Variants in CSGALNACT2 observed in about 807,000 individuals in gnomAD.
CSGALNACT2 encodes chondroitin sulfate N-acetylgalactosaminyltransferase 2.
Under a neutral mutation model 55.3 loss-of-function variants are expected in CSGALNACT2, and 35 were observed. The observed-to-expected ratio is 0.63, with a 90% confidence interval of 0.48 to 0.84. CSGALNACT2 has a LOEUF of 0.84. CSGALNACT2 is among the 40% of genes least tolerant of loss of function. The pLI is 0.00. For missense variants in CSGALNACT2, 544 were observed against 657.5 expected, an observed-to-expected ratio of 0.83 and a Z score of 1.89; for synonymous variants, 196 against 224.9, an observed-to-expected ratio of 0.87 and a Z score of 1.15.
chr10:43,169,258 A>C (rs1839335027), intron 6 of CSGALNACT2, among the ~76,000 whole-genome samples: 1 of 152,372 alleles, frequency 6.6e-6, no homozygotes, highest in East Asian at 1.9e-4. Context: ...TCTGAACAAT[A>C]CTTGAAACAA....
At chr10:43,174,262 C>CT (rs1316189520) in intron 6 of CSGALNACT2, among the ~76,000 whole-genome samples, 2 of 152,082 alleles carry the variant, frequency 1.3e-5, no homozygotes, top group African/African-American at 4.8e-5. Flanking sequence ...CCAATCTGAG[C>CT]TGAGCCCTCA....
intron 4 of CSGALNACT2, chr10:43,162,594 A>C: frequency 2.0e-6 from 2 of 985,398 alleles, no homozygotes; most frequent in Non-Finnish European, 2.4e-6. Flanking sequence ...CACTCCATGC[A>C]CTATTTGAGC....
At chr10:43,173,518 G>A (rs956714041) in intron 6 of CSGALNACT2, among the ~76,000 whole-genome samples, 2 of 152,164 alleles carry the variant, frequency 1.3e-5, no homozygotes, top group African/African-American at 4.8e-5. Flanking sequence ...AAAATGTGTT[G>A]CTTTAAAAAT....
intron 7 of CSGALNACT2, among the ~76,000 whole-genome samples, chr10:43,180,542 A>C (rs1305840775): frequency 6.6e-6 from 1 of 152,146 alleles, no homozygotes; most frequent in African/African-American, 2.4e-5. Context: ...AGTATTATAC[A>C]TAGTTGTTTT....
At chr10:43,149,422 A>C (rs906744982) in intron 1 of CSGALNACT2, among the ~76,000 whole-genome samples, 3 of 152,040 alleles carry the variant, frequency 2.0e-5, no homozygotes, top group African/African-American at 7.2e-5. Context: ...ATGGTGTTGG[A>C]TTTTGTCAAA....
At chr10:43,151,284 T>G (rs1447854495) in intron 1 of CSGALNACT2, among the ~76,000 whole-genome samples, 1 of 152,196 alleles carries the variant, frequency 6.6e-6, no homozygotes, top group Non-Finnish European at 1.5e-5. Flanking sequence ...GTACTGGATA[T>G]TTCTGTATTC....
intron 1 of CSGALNACT2, among the ~76,000 whole-genome samples, chr10:43,143,493 ATGTGTGTGTGTGTGTG>A (rs3983257): frequency 3.2e-4 from 45 of 141,874 alleles, no homozygotes; most frequent in African/African-American, 1.0e-3. Context: ...CTCTCCAAAA[ATGTGTGTGTGTGTGTG>A]TGTGTGTGTG....
At chr10:43,150,081 G>T (rs536030912) in intron 1 of CSGALNACT2, among the ~76,000 whole-genome samples, 1 of 152,220 alleles carries the variant, frequency 6.6e-6, no homozygotes, top group African/African-American at 2.4e-5. Context: ...AAAAATAATA[G>T]TAATAATAAA....
At chr10:43,154,243 A>T (rs1031411074) in intron 1 of CSGALNACT2, among the ~76,000 whole-genome samples, 3 of 152,214 alleles carry the variant, frequency 2.0e-5, no homozygotes, top group African/African-American at 7.2e-5. Flanking sequence ...TAGTTGGGAA[A>T]TGGTGCGGTA....
rs553938272 is a variant in CSGALNACT2, at chr10:43,171,723, G to A, written c.1255-4228G>A. 1.6e-3 allele frequency among the ~76,000 whole-genome samples: 246 copies of A among 152,262 alleles called. 3 individuals carry two copies. The highest frequency in any genetic ancestry group is 3.2e-3 in the Non-Finnish European group (219 of 68,022). ...ATGATTTGAATGCTGATTCATTCTA[G>A]GTGTTGCATAGCAACTTAAGTTTAA... On this transcript the variant is annotated intron_variant, in intron 6 of 7. Coordinates refer to ENST00000374466, the MANE Select transcript of CSGALNACT2 (RefSeq NM_018590.5).
chr10:43,172,727 T>C (rs184375295), intron 6 of CSGALNACT2, among the ~76,000 whole-genome samples: 1 of 152,322 alleles, frequency 6.6e-6, no homozygotes, highest in African/African-American at 2.4e-5. Context: ...TCTTTATTTA[T>C]TAGGAGGTGA....
chr10:43,143,084 A>G (rs1293447779), intron 1 of CSGALNACT2, among the ~76,000 whole-genome samples: 1 of 152,230 alleles, frequency 6.6e-6, no homozygotes, highest in Non-Finnish European at 1.5e-5. Context: ...GTTTACATAT[A>G]TTATGGAATT....
intron 1 of CSGALNACT2, among the ~76,000 whole-genome samples, chr10:43,143,492 AAT>A (rs1491464267): frequency 8.5e-6 from 1 of 117,832 alleles, no homozygotes; most frequent in Admixed American, 9.1e-5. Flanking sequence ...GCTCTCCAAA[AAT>A]GTGTGTGTGT....
In CSGALNACT2 at chr10:43,160,558, C is replaced by T. The variant is rs1363557566; in HGVS notation, c.943C>T (p.Leu315=). The T allele has an allele frequency of 1.3e-6, 2 of 1,591,598 alleles. No homozygotes were observed. Among genetic ancestry groups the T allele is most frequent in the African/African-American group, 2.7e-5 (2 of 74,422 alleles). The change falls in exon 4 of 8, where the codon CTG becomes TTG. Residue 315 remains leucine, a synonymous_variant. Coordinates refer to ENST00000374466, the MANE Select transcript of CSGALNACT2 (RefSeq NM_018590.5). The part of the protein sequence containing the change: ...LTVVYFGKEG[L]SKVKSILESV... ...AGTGGTGTATTTTGGTAAAGAAGGA[C>T]TGTCTAAAGTCAAGTCTATCCTAGA...
chr10:43,145,410 CTTTTTTTTTTTTTTT>C (rs71016727), intron 1 of CSGALNACT2, among the ~76,000 whole-genome samples: 1 of 99,420 alleles, frequency 1.0e-5, no homozygotes, highest in Non-Finnish European at 1.9e-5. Context: ...TTGTTTGTTT[CTTTTTTTTTTTTTTT>C]TTTTTTTTTA....
At chr10:43,182,670 A>G (rs910662418) in intron 7 of CSGALNACT2, among the ~76,000 whole-genome samples, 2 of 151,662 alleles carry the variant, frequency 1.3e-5, no homozygotes, top group African/African-American at 2.4e-5. Flanking sequence ...CTTGAACCCA[A>G]AGTTCGAGAC....
intron 6 of CSGALNACT2, among the ~76,000 whole-genome samples, chr10:43,170,820 T>C (rs1418661826): frequency 1.3e-5 from 2 of 152,168 alleles, no homozygotes; most frequent in African/African-American, 4.8e-5. Flanking sequence ...AAGGACACTT[T>C]AGCTCACAGT....
At chr10:43,169,624 A>G (rs150212500) in intron 6 of CSGALNACT2, among the ~76,000 whole-genome samples, 372 of 152,346 alleles carry the variant, frequency 2.4e-3, no homozygotes, top group African/African-American at 8.4e-3. Flanking sequence ...AGGAAGATCA[A>G]GCCAGAAGCT....
At chr10:43,182,729 A>AT (rs1839611067) in intron 7 of CSGALNACT2, among the ~76,000 whole-genome samples, 2 of 151,692 alleles carry the variant, frequency 1.3e-5, no homozygotes, top group Non-Finnish European at 2.9e-5. Context: ...AAAAAAAAAA[A>AT]AGCTGAGTAT....
Sources: allele counts gnomAD v4.1 joint callset (sites outside exome capture counted in the v4.1 genomes callset), GRCh38; gene constraint gnomAD v4.1.1; transcripts MANE v1.5; gene names NCBI Gene and HGNC (gene_info 2026-07-23, HGNC 2026-07-21).